PTPRM: variants seen among roughly 807,000 people sequenced by gnomAD.
The protein encoded by PTPRM is receptor-type tyrosine-protein phosphatase mu.
Under a neutral mutation model 186.7 loss-of-function variants are expected in PTPRM, and 47 were observed. The observed-to-expected ratio is 0.25, with a 90% CI of 0.20 to 0.32. PTPRM has a LOEUF of 0.32. Among genes scored for constraint, PTPRM ranks in the 10% least tolerant of loss-of-function variants. The pLI, the probability that PTPRM is intolerant of heterozygous loss-of-function variation, is 1.00. For missense variants in PTPRM, 1,494 were observed against 1,865.0 expected (o/e 0.80, Z 3.66); for synonymous variants, 668 against 674.9 (o/e 0.99, Z 0.16).
At chr18:8,254,673 T>C (rs72911295) in intron 19 of PTPRM, among the ~76,000 whole-genome samples, 5,838 of 152,302 alleles carry the variant, frequency 0.038, 117 homozygotes, top group Middle Eastern at 0.068. Flanking sequence ...TCTCTTCCTG[T>C]GGGCACACTC....
intron 7 of PTPRM, among the ~76,000 whole-genome samples, chr18:8,022,680 G>A (rs2085308696): frequency 6.6e-6 from 1 of 152,030 alleles, no homozygotes; most frequent in South Asian, 2.1e-4. Flanking sequence ...ATTGATCTAG[G>A]TCCGTCTGTA....
intron 7 of PTPRM, among the ~76,000 whole-genome samples, chr18:8,045,640 A>T (rs1346031021): frequency 2.0e-5 from 3 of 152,166 alleles, no homozygotes; most frequent in Non-Finnish European, 4.4e-5. Flanking sequence ...TGGGAGGTAG[A>T]TTAGTTATTG....
At chr18:8,042,973 G>A (rs184811488) in intron 7 of PTPRM, among the ~76,000 whole-genome samples, 26 of 152,074 alleles carry the variant, frequency 1.7e-4, no homozygotes, top group South Asian at 8.3e-4. Flanking sequence ...CGTCTCAACC[G>A]CCTACAGCTG....
chr18:7,796,823 C>T (rs1392466111), intron 2 of PTPRM, among the ~76,000 whole-genome samples: 2 of 152,336 alleles, frequency 1.3e-5, no homozygotes, highest in African/African-American at 4.8e-5. Context: ...TCCAGTGGTG[C>T]ACTGAGCCTG....
chr18:8,206,119 T>C (rs965838523), intron 14 of PTPRM, among the ~76,000 whole-genome samples: 10 of 151,950 alleles, frequency 6.6e-5, no homozygotes, highest in African/African-American at 1.9e-4. Flanking sequence ...AGAAGATGCA[T>C]GAAGATGAAC....
At chr18:7,826,344 C>G (rs549198390) in intron 2 of PTPRM, among the ~76,000 whole-genome samples, 10 of 152,296 alleles carry the variant, frequency 6.6e-5, no homozygotes, top group Admixed American at 3.3e-4. Flanking sequence ...TATTAACATG[C>G]CTTTCTAGGG....
chr18:7,957,173 C>CTTTTTT (rs79379767), intron 7 of PTPRM, among the ~76,000 whole-genome samples: 2 of 136,678 alleles, frequency 1.5e-5, no homozygotes, highest in African/African-American at 5.4e-5. Flanking sequence ...CAGTCCTGTT[C>CTTTTTT]TTTTTTTTTT....
intron 23 of PTPRM, among the ~76,000 whole-genome samples, chr18:8,350,219 G>C (rs969158718): frequency 6.6e-6 from 1 of 152,220 alleles, no homozygotes; most frequent in Non-Finnish European, 1.5e-5. Context: ...GCTGCATACA[G>C]ACTGTCTTTG....
At chr18:8,117,079 C>A (rs1403525240) in intron 13 of PTPRM, among the ~76,000 whole-genome samples, 1 of 152,152 alleles carries the variant, frequency 6.6e-6, no homozygotes, top group Non-Finnish European at 1.5e-5. Flanking sequence ...ATTCATCAAC[C>A]CTCCTTTCAG....
intron 2 of PTPRM, among the ~76,000 whole-genome samples, chr18:7,870,352 T>G (rs2047922647): frequency 6.6e-6 from 1 of 152,234 alleles, no homozygotes; most frequent in Non-Finnish European, 1.5e-5. Flanking sequence ...TCTTCCCTTT[T>G]GGCAACTCAG....
At chr18:7,706,753 TAAGA>T (rs1417648944) in intron 1 of PTPRM, among the ~76,000 whole-genome samples, 4 of 151,788 alleles carry the variant, frequency 2.6e-5, no homozygotes, top group East Asian at 3.9e-4. Flanking sequence ...TTCTTGCCAA[TAAGA>T]AAGAAAGTTG....
intron 2 of PTPRM, among the ~76,000 whole-genome samples, chr18:7,861,396 T>G (rs2047374021): frequency 2.0e-5 from 3 of 152,208 alleles, no homozygotes; most frequent in Admixed American, 6.5e-5. Context: ...AATTACTCAC[T>G]GAGGATTTTC....
chr18:7,766,434 GGA>G (rs2144823440), intron 1 of PTPRM, among the ~76,000 whole-genome samples: 1 of 152,348 alleles, frequency 6.6e-6, no homozygotes, highest in African/African-American at 2.4e-5. Flanking sequence ...GCTCCAGGGA[GGA>G]GACTCTTTCA....
intron 1 of PTPRM, among the ~76,000 whole-genome samples, chr18:7,586,417 T>TG (rs1467129415): frequency 6.6e-6 from 1 of 152,096 alleles, no homozygotes; most frequent in Non-Finnish European, 1.5e-5. Context: ...ATCTTTAGTT[T>TG]GGGGGGTGAC....
chr18:7,834,436 T>C (rs1292778762), intron 2 of PTPRM, among the ~76,000 whole-genome samples: 2 of 20,654 alleles, frequency 9.7e-5, no homozygotes, highest in African/African-American at 4.8e-4. Context: ...TAAATATAAG[T>C]ATGTATATGT....
intron 1 of PTPRM, among the ~76,000 whole-genome samples, chr18:7,764,686 G>A (rs2041938682): frequency 6.6e-6 from 1 of 152,176 alleles, no homozygotes; most frequent in African/African-American, 2.4e-5. Context: ...TGAGTTCCTA[G>A]GTGATGGTGG....
At chr18:8,244,412 G>A (rs748184232) in intron 15 of PTPRM, among the ~76,000 whole-genome samples, 5 of 152,120 alleles carry the variant, frequency 3.3e-5, no homozygotes, top group Non-Finnish European at 7.4e-5. Flanking sequence ...AGATCAGAGA[G>A]TCCAGAAAAC....
At chr18:8,214,303 A>C (rs1281105120) in intron 14 of PTPRM, among the ~76,000 whole-genome samples, 1 of 152,222 alleles carries the variant, frequency 6.6e-6, no homozygotes, top group Non-Finnish European at 1.5e-5. Flanking sequence ...CTTTTAAAAA[A>C]TTATGACTCT....
intron 2 of PTPRM, 178 bp from the exon 3 acceptor site, chr18:7,887,928 A>G (rs2048867045): frequency 1.3e-6 from 1 of 794,496 alleles, no homozygotes; most frequent in Non-Finnish European, 2.2e-6. Flanking sequence ...GAGAACATAT[A>G]GGGGGATGAT....
Sources: gnomAD v4.1 joint callset for allele counts (sites outside exome capture counted in the v4.1 genomes callset) on GRCh38, gnomAD v4.1.1 for gene constraint, MANE v1.5 for transcripts, NCBI Gene and HGNC (gene_info 2026-07-23, HGNC 2026-07-21) for gene names.